Variants in KDM4B observed in about 807,000 individuals in gnomAD.
KDM4B encodes the protein lysine-specific demethylase 4B.
Under a neutral mutation model 125.2 loss-of-function variants are expected in KDM4B, and 32 were observed. The ratio of observed to expected loss-of-function variants is 0.26; its 90% CI spans 0.19 to 0.34. KDM4B has a LOEUF of 0.34. Among genes scored for constraint, KDM4B ranks in the 10% least tolerant of loss-of-function variants. The pLI is 1.00. For missense variants in KDM4B, 1,190 were observed against 1,577.7 expected, an observed-to-expected ratio of 0.75 and a Z score of 4.16; for synonymous variants, 721 against 677.9, an observed-to-expected ratio of 1.06 and a Z score of -0.99.
intron 9 of KDM4B, among the ~76,000 whole-genome samples, chr19:5,093,678 C>T (rs1204356338): frequency 6.6e-6 from 1 of 152,222 alleles, no homozygotes; most frequent in Non-Finnish European, 1.5e-5. Context: ...CTGCCACCCA[C>T]ACCCACCCCA....
intron 6 of KDM4B, among the ~76,000 whole-genome samples, chr19:5,054,728 G>C (rs1599515827): frequency 1.3e-5 from 2 of 152,234 alleles, no homozygotes; most frequent in South Asian, 4.1e-4. Flanking sequence ...GTGGCGTGTG[G>C]CGCTGGTGCC....
At chr19:5,149,382 G>A (rs2039907848) in intron 21 of KDM4B, among the ~76,000 whole-genome samples, 1 of 152,246 alleles carries the variant, frequency 6.6e-6, no homozygotes, top group Non-Finnish European at 1.5e-5. Context: ...CCAGCCTGGA[G>A]TGCAGTGACA....
At position 5,115,548 on chromosome 19, in the gene KDM4B, C is replaced by G. The variant is rs1354393111; in HGVS notation, c.1116-4105C>G. ...GCCACTGCCTTCACCAGGCCCAGCTCACACACGGCTTGGCACCGTGCACAG... is the reference window on the plus strand; with the variant it reads ...GCCACTGCCTTCACCAGGCCCAGCTGACACACGGCTTGGCACCGTGCACAG... On this transcript the variant is annotated intron_variant, in intron 10 of 22. Transcript: ENST00000159111. The surrounding 1 kb of genome is among the most constrained non-coding windows in gnomAD (Gnocchi z 4.2). Among the ~76,000 whole-genome samples, 4 of 152,200 alleles carry G rather than the reference C, an allele frequency of 2.6e-5. No individual in the cohort carries two copies. The highest frequency in any genetic ancestry group is 6.5e-5 in the Admixed American group (1 of 15,286).
At chr19:5,086,654 C>CA (rs912019937) in intron 9 of KDM4B, among the ~76,000 whole-genome samples, 18 of 152,060 alleles carry the variant, frequency 1.2e-4, no homozygotes, top group African/African-American at 4.4e-4. Context: ...CTCCCCCCCC[C>CA]AGCCCCCAGG....
chr19:5,014,761 C>T (rs913390416), intron 1 of KDM4B, among the ~76,000 whole-genome samples: 1 of 151,736 alleles, frequency 6.6e-6, no homozygotes, highest in African/African-American at 2.4e-5. Flanking sequence ...TTCGGGAGGC[C>T]GAGGTGGGTG....
intron 1 of KDM4B, among the ~76,000 whole-genome samples, chr19:4,988,510 C>T (rs1034130226): frequency 1.3e-5 from 2 of 152,138 alleles, no homozygotes; most frequent in Non-Finnish European, 2.9e-5. Context: ...CTCCTGACCT[C>T]GTGATCCACC....
chr19:5,032,407 G>T (rs1431463004), intron 2 of KDM4B, among the ~76,000 whole-genome samples: 1 of 152,202 alleles, frequency 6.6e-6, no homozygotes. Context: ...CTGCTCCGAG[G>T]GGTGGGTCCC....
chr19:5,019,998 G>A (rs532366232), intron 2 of KDM4B, among the ~76,000 whole-genome samples: 1 of 146,236 alleles, frequency 6.8e-6, no homozygotes, highest in Non-Finnish European at 1.5e-5. Flanking sequence ...TGGTGTGCAG[G>A]TGCTGCTGTG....
Position 5,108,439 on chromosome 19 carries a change from C to T in KDM4B, c.919-2183C>T, listed in dbSNP as rs1270323266. 2.0e-5 allele frequency among the ~76,000 whole-genome samples: 3 copies of T among 152,312 alleles called. 1 individual carries two copies. The East Asian group carries it at 5.8e-4, about 29-fold the overall frequency. ...TCTAACTGTTCCCAAGCCCCTGCTC[C>T]TGGATCCAGCAGAAGGTTCCATGGC... On this transcript the variant is annotated intron_variant, in intron 9 of 22. Transcript: ENST00000159111.
intron 6 of KDM4B, among the ~76,000 whole-genome samples, chr19:5,051,530 C>T (rs1385024446): frequency 6.6e-6 from 1 of 152,198 alleles, no homozygotes; most frequent in Non-Finnish European, 1.5e-5. Flanking sequence ...CAGGGACTCC[C>T]GAGGACGTCG....
At chr19:5,054,428 G>C (rs2037329131) in intron 6 of KDM4B, among the ~76,000 whole-genome samples, 1 of 152,080 alleles carries the variant, frequency 6.6e-6, no homozygotes, top group African/African-American at 2.4e-5. Flanking sequence ...CAGATCCAGT[G>C]AACTGTGATG....
intron 9 of KDM4B, among the ~76,000 whole-genome samples, chr19:5,086,712 G>A (rs994654397): frequency 1.3e-5 from 2 of 152,158 alleles, no homozygotes; most frequent in Non-Finnish European, 2.9e-5. Context: ...GGCCCCCACC[G>A]CCTCACCACA....
At chr19:5,034,761 C>G (rs567017306) in intron 3 of KDM4B, among the ~76,000 whole-genome samples, 1 of 152,302 alleles carries the variant, frequency 6.6e-6, no homozygotes, top group Admixed American at 6.5e-5. Flanking sequence ...ATTTCTTTGT[C>G]TCTGAGCTGT....
At chr19:5,012,734 A>T (rs915401642) in intron 1 of KDM4B, among the ~76,000 whole-genome samples, 7 of 152,112 alleles carry the variant, frequency 4.6e-5, no homozygotes, top group African/African-American at 1.7e-4. Flanking sequence ...CATCCCGGTG[A>T]GCGTCAGGAC....
intron 10 of KDM4B, among the ~76,000 whole-genome samples, chr19:5,118,057 C>T (rs564045910): frequency 2.6e-4 from 39 of 152,204 alleles, no homozygotes; most frequent in Admixed American, 2.2e-3. Flanking sequence ...CCAAGTGTCC[C>T]GAGGGAGCAT....
chr19:5,120,554 G>A lies in KDM4B; in HGVS notation c.1315+702G>A, dbSNP rs142791595. ...GAACCAGCAGTTGTGAACGGGGTGC[G>A]GGGGGCCGGGAGGCAGTCTCAGAAA... is the stretch of plus-strand genomic sequence containing the variant. On this transcript the variant is annotated intron_variant, in intron 11 of 22. Coordinates refer to ENST00000159111, the MANE Select transcript of KDM4B (RefSeq NM_015015.3). 5.3e-5 allele frequency among the ~76,000 whole-genome samples: 8 copies of A among 152,130 alleles called. No homozygotes were observed. The East Asian group carries it at 9.6e-4, about 18-fold the overall frequency.
At chr19:5,028,289 A>G (rs2036344810) in intron 2 of KDM4B, among the ~76,000 whole-genome samples, 1 of 152,112 alleles carries the variant, frequency 6.6e-6, no homozygotes, top group South Asian at 2.1e-4. Flanking sequence ...GTCAGTGGAG[A>G]ACATTGGCAT....
Position 5,131,992 on chromosome 19 carries a change from G to A in KDM4B, c.1891G>A (p.Ala631Thr), listed in dbSNP as rs760333951. 2.5e-5 allele frequency: 40 copies of A among 1,609,190 alleles called. No individual in the cohort carries two copies. The highest frequency in any genetic ancestry group is 5.1e-6 in the Non-Finnish European group (6 of 1,178,346). Residue 631 changes from alanine (A) to threonine (T), a missense_variant, in exon 13 of 23, where the codon GCC (alanine) becomes ACC (threonine). Ala to Thr is a moderately conservative substitution (Grantham distance 58). Around this residue, in one of 7 missense-constraint regions of KDM4B, gnomAD observed 128 missense variants for 137.8 expected, o/e 0.93. Transcript: ENST00000159111. ...RSPLSVVKQE[A>T]SSDEEASPFS... Reference sequence around the variant, plus strand: ...CCCACTGTCGGTGGTGAAGCAGGAGGCCTCAAGTGACGAGGGTGAGTGGGG... The same window carrying A: ...CCCACTGTCGGTGGTGAAGCAGGAGACCTCAAGTGACGAGGGTGAGTGGGG...
At chr19:4,973,514 G>A (rs1431120850) in intron 1 of KDM4B, among the ~76,000 whole-genome samples, 2 of 151,974 alleles carry the variant, frequency 1.3e-5, no homozygotes, top group African/African-American at 2.4e-5. Context: ...TTACTAATTC[G>A]CGTTCAAATG....
Sources: gnomAD v4.1 joint callset for allele counts (sites outside exome capture counted in the v4.1 genomes callset) on GRCh38, gnomAD v4.1.1 for gene constraint, gnomAD v4.1.1 regional missense constraint, Gnocchi (gnomAD v3.1) non-coding constraint, MANE v1.5 for transcripts, NCBI Gene and HGNC (gene_info 2026-07-23, HGNC 2026-07-21) for gene names.